The following OSBPL3 variants were observed in gnomAD, a reference collection of about 807,000 sequenced individuals.
OSBPL3 encodes the protein oxysterol-binding protein-related protein 3.
Under a neutral mutation model 120.1 loss-of-function variants are expected in OSBPL3, and 65 were observed. The ratio of observed to expected loss-of-function variants is 0.54; its 90% CI spans 0.44 to 0.67. The LOEUF (loss-of-function observed/expected upper bound fraction) is 0.67. Ranked by LOEUF, OSBPL3 falls within the 30% of genes least tolerant of loss-of-function variation. The pLI is 0.00. For synonymous variants in OSBPL3, 416 were observed against 402.6 expected (o/e 1.03, Z -0.40); for missense variants, 1,004 against 1,082.1 (o/e 0.93, Z 1.01).
chr7:24,893,343 A>C (rs550440985), intron 1 of OSBPL3, among the ~76,000 whole-genome samples: 33 of 152,262 alleles, frequency 2.2e-4, no homozygotes, highest in Non-Finnish European at 4.7e-4. Context: ...GAACCTTGAC[A>C]ACATTAGGCT....
chr7:24,807,538 C>T (rs184350497), intron 20 of OSBPL3, among the ~76,000 whole-genome samples: 1 of 151,320 alleles, frequency 6.6e-6, no homozygotes, highest in Admixed American at 6.6e-5. Context: ...AATAAACATA[C>T]TAATATCAGC....
intron 16 of OSBPL3, among the ~76,000 whole-genome samples, chr7:24,823,101 G>A (rs1795307895): frequency 6.6e-6 from 1 of 152,182 alleles, no homozygotes. Context: ...CCGGGAACGA[G>A]GGAAAGGTTT....
chr7:24,836,521 T>C (rs1797015356), intron 14 of OSBPL3, among the ~76,000 whole-genome samples: 2 of 152,222 alleles, frequency 1.3e-5, no homozygotes, highest in Non-Finnish European at 2.9e-5. Context: ...ATGGAGTATT[T>C]TGATGAATGA....
chr7:24,846,631 T>C (rs1425395689), intron 12 of OSBPL3, among the ~76,000 whole-genome samples: 1 of 152,194 alleles, frequency 6.6e-6, no homozygotes, highest in Non-Finnish European at 1.5e-5. Flanking sequence ...CTTGATAATA[T>C]TAAATCTTCA....
At chr7:24,944,899 G>A (rs1813533821) in intron 1 of OSBPL3, among the ~76,000 whole-genome samples, 1 of 152,062 alleles carries the variant, frequency 6.6e-6, no homozygotes, top group South Asian at 2.1e-4. Flanking sequence ...CAGAAAACAG[G>A]AAACAATAAT....
chr7:24,881,955 T>G lies in OSBPL3; in HGVS notation c.97-9886A>C, dbSNP rs1803749536. Among the ~76,000 whole-genome samples, 1 of 152,198 alleles carries G rather than the reference T, an allele frequency of 6.6e-6. No homozygotes were observed. Among genetic ancestry groups the G allele is most frequent in the Non-Finnish European group, 1.5e-5 (1 of 68,038 alleles). The stretch of plus-strand genomic sequence containing the variant: ...TCTGTCTTCTCCCGAACGTGTTTCT[T>G]ATAAGGACATTTGTCAGTGAATTTA... On this transcript the variant is annotated intron_variant, in intron 2 of 22. Coordinates refer to ENST00000313367, the MANE Select transcript of OSBPL3 (RefSeq NM_015550.4). This position sits in a 1 kb window ranked among gnomAD's most constrained non-coding sequence, Gnocchi z 4.3.
Position 24,972,136 on chromosome 7 carries a change from T to C in OSBPL3, c.-150+7750A>G, listed in dbSNP as rs1006600868. 1.3e-5 allele frequency among the ~76,000 whole-genome samples: 2 copies of C among 152,226 alleles called. No homozygotes were observed. The highest frequency in any genetic ancestry group is 2.1e-4 in the South Asian group (1 of 4,834). The stretch of plus-strand genomic sequence containing the variant: ...GCTAGATATCATTGCGTTTCTGCTA[T>C]AAAGGTGTTAAAAACTCAACTTTGG... On this transcript the variant is annotated intron_variant, in intron 1 of 22. Transcript: ENST00000313367. This position sits in a 1 kb window ranked among gnomAD's most constrained non-coding sequence, Gnocchi z 4.3.
chr7:24,888,382 A>C (rs1239918039), intron 2 of OSBPL3, among the ~76,000 whole-genome samples: 2 of 152,210 alleles, frequency 1.3e-5, no homozygotes, highest in Non-Finnish European at 2.9e-5. Context: ...TGAGGTTTGG[A>C]GAGTTTAAGG....
intron 14 of OSBPL3, among the ~76,000 whole-genome samples, chr7:24,839,047 C>T (rs1389426741): frequency 6.6e-6 from 1 of 152,194 alleles, no homozygotes; most frequent in African/African-American, 2.4e-5. Context: ...TTCCCCTATA[C>T]TGCGGTCCCC....
chr7:24,850,993 A>T (rs1384700155), intron 11 of OSBPL3, among the ~76,000 whole-genome samples: 1 of 152,238 alleles, frequency 6.6e-6, no homozygotes, highest in African/African-American at 2.4e-5. Flanking sequence ...TGAAGGTGAG[A>T]ACAGCCTTGG....
At chr7:24,868,650 A>C (rs1314965912) in intron 5 of OSBPL3, among the ~76,000 whole-genome samples, 1 of 152,224 alleles carries the variant, frequency 6.6e-6, no homozygotes, top group Non-Finnish European at 1.5e-5. Flanking sequence ...AGTACCTATA[A>C]GACTGGAAGC....
intron 1 of OSBPL3, among the ~76,000 whole-genome samples, chr7:24,895,285 T>TG (rs1805971524): frequency 6.6e-6 from 1 of 152,202 alleles, no homozygotes; most frequent in Non-Finnish European, 1.5e-5. Context: ...TCACTGTACT[T>TG]TCTCTGTGTT....
At chr7:24,963,860 C>A (rs1450524934) in intron 1 of OSBPL3, among the ~76,000 whole-genome samples, 1 of 151,732 alleles carries the variant, frequency 6.6e-6, no homozygotes, top group Non-Finnish European at 1.5e-5. Context: ...CCAATATCAC[C>A]CATGCAAAAA....
At chr7:24,924,699 G>T (rs952646178) in intron 1 of OSBPL3, among the ~76,000 whole-genome samples, 1 of 152,036 alleles carries the variant, frequency 6.6e-6, no homozygotes, top group South Asian at 2.1e-4. Context: ...AAGTGTTTGG[G>T]TGACACTGAT....
Position 24,854,331 on chromosome 7 carries a change from C to T in OSBPL3, c.1028-1697G>A, listed in dbSNP as rs1029706765. ...AGAGGTATTGTTATTCAAGAGTGGG[C>T]TATTTAGTAACACAGAAACTAAATA... On this transcript the variant is annotated intron_variant, in intron 10 of 22. Transcript: ENST00000313367. This position sits in a 1 kb window ranked among gnomAD's most constrained non-coding sequence, Gnocchi z 4.1. Among the ~76,000 whole-genome samples the T allele has an allele frequency of 1.3e-5, 2 of 152,102 alleles. No homozygotes were observed. The highest frequency in any genetic ancestry group is 6.5e-5 in the Admixed American group (1 of 15,278).
intron 10 of OSBPL3, among the ~76,000 whole-genome samples, chr7:24,853,063 T>G (rs2128230006): frequency 6.6e-6 from 1 of 152,354 alleles, no homozygotes; most frequent in African/African-American, 2.4e-5. Context: ...TCCACTGTAA[T>G]GTCTCATGAC....
Position 24,806,706 on chromosome 7 carries a change from G to T in OSBPL3, c.2444+70C>A, listed in dbSNP as rs1411924874. 2.0e-6 allele frequency: 3 copies of T among 1,468,666 alleles called. No homozygotes were observed. In the East Asian group the frequency reaches 6.9e-5, roughly 34 times the overall value. The allele number at this position is 1,468,666 out of a possible 1,614,324, so 91.0% of individuals were successfully genotyped here. ...TTCTCAGGTGCCTCTGGTGGCCTAA[G>T]GATTGTTAATAAGACTTTTTGTAAA... is the stretch of plus-strand genomic sequence containing the variant. On this transcript the variant is annotated intron_variant, in intron 21 of 22. Transcript: ENST00000313367. The surrounding 1 kb of genome is among the most constrained non-coding windows in gnomAD (Gnocchi z 5.2).
intron 1 of OSBPL3, among the ~76,000 whole-genome samples, chr7:24,961,778 T>C (rs1034827629): frequency 1.3e-5 from 2 of 152,196 alleles, no homozygotes; most frequent in African/African-American, 2.4e-5. Flanking sequence ...GCAGTCAGCA[T>C]AGTGCATTAA....
At chr7:24,963,525 A>T (rs1816023881) in intron 1 of OSBPL3, among the ~76,000 whole-genome samples, 1 of 152,212 alleles carries the variant, frequency 6.6e-6, no homozygotes, top group Non-Finnish European at 1.5e-5. Flanking sequence ...CAGGGCAGAC[A>T]GTAGCACATC....
Sources: allele counts gnomAD v4.1 joint callset (sites outside exome capture counted in the v4.1 genomes callset), GRCh38; gene constraint gnomAD v4.1.1; non-coding constraint Gnocchi (gnomAD v3.1); transcripts MANE v1.5; gene names NCBI Gene and HGNC (gene_info 2026-07-23, HGNC 2026-07-21).